The following CCDC102B variants were observed in gnomAD, a reference collection of about 807,000 sequenced individuals.
The protein encoded by CCDC102B is coiled-coil domain containing 102B, also known as coiled-coil domain-containing protein 102B.
A neutral mutation model predicts 57.4 loss-of-function variants in CCDC102B; 75 were observed. The ratio of observed to expected loss-of-function variants is 1.31; its 90% CI spans 1.08 to 1.58. CCDC102B has a LOEUF of 1.58. CCDC102B is among the 40% of genes most tolerant of loss of function. The pLI, the probability that CCDC102B is intolerant of heterozygous loss-of-function variation, is 0.00. For missense variants in CCDC102B, 636 were observed against 582.6 expected, an observed-to-expected ratio of 1.09 and a Z score of -0.94; for synonymous variants, 206 against 201.9, an observed-to-expected ratio of 1.02 and a Z score of -0.17.
At chr18:69,051,519 T>C (rs1283979904) in intron 7 of CCDC102B, among the ~76,000 whole-genome samples, 1 of 152,006 alleles carries the variant, frequency 6.6e-6, no homozygotes, top group Admixed American at 6.6e-5. Flanking sequence ...TAGTTCTTCA[T>C]GAAATTTGCT....
At chr18:68,758,960 A>G (rs2034154721) in intron 2 of CCDC102B, among the ~76,000 whole-genome samples, 1 of 151,600 alleles carries the variant, frequency 6.6e-6, no homozygotes, top group Non-Finnish European at 1.5e-5. Context: ...CCTCAAATGG[A>G]TGAAATGATC....
intron 6 of CCDC102B, among the ~76,000 whole-genome samples, chr18:68,912,521 G>A (rs1386439847): frequency 2.0e-5 from 3 of 152,190 alleles, no homozygotes; most frequent in African/African-American, 7.2e-5. Context: ...CACAAGTTGT[G>A]TCAGCACAAA....
chr18:69,042,651 C>A (rs2052462077), intron 7 of CCDC102B, among the ~76,000 whole-genome samples: 1 of 152,048 alleles, frequency 6.6e-6, no homozygotes, highest in Non-Finnish European at 1.5e-5. Context: ...TTCTGTCACT[C>A]TAGATTACTG....
At chr18:68,917,258 T>A (rs2145095432) in intron 6 of CCDC102B, among the ~76,000 whole-genome samples, 1 of 152,088 alleles carries the variant, frequency 6.6e-6, no homozygotes, top group East Asian at 1.9e-4. Flanking sequence ...GGAAGGTCAA[T>A]GAGGTTCTGG....
chr18:68,767,411 G>A (rs2034505065), intron 2 of CCDC102B, among the ~76,000 whole-genome samples: 1 of 152,218 alleles, frequency 6.6e-6, no homozygotes, highest in Admixed American at 6.5e-5. Flanking sequence ...CTGCAAGCCA[G>A]GAAGAGAGCC....
intron 6 of CCDC102B, among the ~76,000 whole-genome samples, chr18:68,901,238 T>G (rs573279194): frequency 6.6e-6 from 1 of 152,314 alleles, no homozygotes; most frequent in East Asian, 1.9e-4. Context: ...AGTGTTATTC[T>G]AGACTAGGGA....
chr18:68,730,316 A>G (rs1348960500), intron 2 of CCDC102B, among the ~76,000 whole-genome samples: 1 of 152,182 alleles, frequency 6.6e-6, no homozygotes, highest in Non-Finnish European at 1.5e-5. Context: ...CTCTTAAAAA[A>G]TTCTATATTT....
At chr18:68,897,573 A>C in intron 6 of CCDC102B, 145 bp downstream of exon 6, 1 of 1,578,736 alleles carries the variant, frequency 6.3e-7, no homozygotes, top group Non-Finnish European at 8.6e-7. Flanking sequence ...TCTTTTGCCC[A>C]CTAGGATGTA....
At chr18:69,011,150 AT>A in intron 7 of CCDC102B, 46 bp downstream of exon 7, 4 of 1,470,816 alleles carry the variant, frequency 2.7e-6, no homozygotes, top group Non-Finnish European at 3.7e-6. Context: ...TCTAAATAGT[AT>A]TTTAGAGCAT....
intron 6 of CCDC102B, among the ~76,000 whole-genome samples, chr18:68,930,010 TTTTG>T (rs1366016974): frequency 6.6e-6 from 1 of 151,544 alleles, no homozygotes; most frequent in Non-Finnish European, 1.5e-5. Flanking sequence ...TAGCTCAGAT[TTTTG>T]TTTGTGTGTT....
intron 6 of CCDC102B, among the ~76,000 whole-genome samples, chr18:68,912,272 C>T (rs541826571): frequency 4.6e-5 from 7 of 152,262 alleles, no homozygotes; most frequent in African/African-American, 1.7e-4. Context: ...TTTTGATAAT[C>T]CGTAAAACAC....
chr18:68,846,917 T>C (rs909422197), intron 4 of CCDC102B, among the ~76,000 whole-genome samples: 4 of 151,796 alleles, frequency 2.6e-5, no homozygotes, highest in Admixed American at 2.6e-4. Context: ...GACATTGTAG[T>C]TATTTGGGAT....
At chr18:68,803,280 A>G (rs2035917278) in intron 1 of CCDC102B, among the ~76,000 whole-genome samples, 1 of 152,218 alleles carries the variant, frequency 6.6e-6, no homozygotes, top group Non-Finnish European at 1.5e-5. Context: ...AGCAATGGAA[A>G]TAGAGATGTG....
Position 68,798,397 on chromosome 18 carries a change from A to G in CCDC102B, c.-16+216A>G, listed in dbSNP as rs529167032. 6 of 152,176 alleles carry G rather than the reference A, an allele frequency of 3.9e-5. No individual in the cohort carries two copies. In the East Asian group the frequency reaches 9.7e-4, roughly 25 times the overall value. 9.4% of individuals were successfully genotyped at this position (152,176 alleles called of 1,614,324 possible). The stretch of plus-strand genomic sequence containing the variant: ...CCACTGTGGGTGTTATTATCCTGAC[A>G]ATTTGTCATACATTTCCTGTCTTTA... On this transcript the variant is annotated intron_variant, in intron 1 of 7. Coordinates refer to ENST00000360242, the MANE Select transcript of CCDC102B (RefSeq NM_024781.3).
chr18:68,755,924 T>G (rs1348908827), intron 2 of CCDC102B, among the ~76,000 whole-genome samples: 1 of 151,596 alleles, frequency 6.6e-6, no homozygotes, highest in African/African-American at 2.4e-5. Flanking sequence ...TCACATACTG[T>G]TCTAAATAAA....
intron 7 of CCDC102B, among the ~76,000 whole-genome samples, chr18:69,015,445 C>T (rs2051639016): frequency 6.6e-6 from 1 of 152,162 alleles, no homozygotes; most frequent in Non-Finnish European, 1.5e-5. Context: ...CTTTAAATAG[C>T]TATCAGCATC....
intron 3 of CCDC102B, among the ~76,000 whole-genome samples, chr18:68,841,423 C>T (rs2037624631): frequency 6.6e-6 from 1 of 152,150 alleles, no homozygotes; most frequent in Admixed American, 6.5e-5. Flanking sequence ...AAAAGTTTCT[C>T]ATATACTGAG....
intron 1 of CCDC102B, among the ~76,000 whole-genome samples, chr18:68,827,162 A>C (rs2036938642): frequency 6.6e-6 from 1 of 152,160 alleles, no homozygotes; most frequent in African/African-American, 2.4e-5. Context: ...AACTACCCTT[A>C]AAAATTGGCT....
intron 2 of CCDC102B, among the ~76,000 whole-genome samples, chr18:68,773,059 T>C (rs991440105): frequency 6.6e-6 from 1 of 152,012 alleles, no homozygotes; most frequent in African/African-American, 2.4e-5. Context: ...AGCTAGAAAG[T>C]TAAGAAAGGA....
Sources: gnomAD v4.1 joint callset for allele counts (sites outside exome capture counted in the v4.1 genomes callset) on GRCh38, gnomAD v4.1.1 for gene constraint, MANE v1.5 for transcripts, NCBI Gene and HGNC (gene_info 2026-07-23, HGNC 2026-07-21) for gene names.